GNAQ: variants seen among roughly 807,000 people sequenced by gnomAD.
GNAQ encodes guanine nucleotide-binding protein G(q) subunit alpha.
A neutral mutation model predicts 43.9 loss-of-function variants in GNAQ; 8 were observed. That is an observed-to-expected ratio of 0.18 (90% CI 0.11 to 0.33). The LOEUF (loss-of-function observed/expected upper bound fraction) is 0.33. Ranked by LOEUF, GNAQ falls within the 10% of genes least tolerant of loss-of-function variation. The probability of loss-of-function intolerance (pLI) is 1.00; values close to 1 mark genes in which losing one functional copy is unlikely to be tolerated. For missense variants in GNAQ, 158 were observed against 450.8 expected (o/e 0.35, Z 5.88); for synonymous variants, 155 against 170.7 (o/e 0.91, Z 0.71).
At chr9:77,751,550 C>T (rs534753028) in intron 5 of GNAQ, among the ~76,000 whole-genome samples, 4 of 152,194 alleles carry the variant, frequency 2.6e-5, no homozygotes, top group East Asian at 3.9e-4. Flanking sequence ...AGCCTAGAAG[C>T]GGACAGAAAT....
At chr9:77,851,433 CA>C (rs1260660181) in intron 2 of GNAQ, among the ~76,000 whole-genome samples, 1 of 152,154 alleles carries the variant, frequency 6.6e-6, no homozygotes, top group African/African-American at 2.4e-5. Context: ...CATGAAGAGC[CA>C]AAATCTGTGG....
rs556583937 is a variant in GNAQ at position 77,719,569 on chromosome 9, T to G, written c.*1754A>C. ...CTCCCCCTTTGTTGTTCCAAAAGAG[T>G]GATTTATATGGAAGTTTACACTAGT... On this transcript the variant is annotated 3_prime_UTR_variant, in exon 7 of 7. Coordinates refer to ENST00000286548, the MANE Select transcript of GNAQ (RefSeq NM_002072.5). The G allele has an allele frequency of 4.3e-6, 1 of 232,536 alleles. No individual in the cohort carries two copies. Among genetic ancestry groups the G allele is most frequent in the African/African-American group, 2.2e-5 (1 of 45,342 alleles). 14.4% of individuals were successfully genotyped at this position (232,536 alleles called of 1,614,324 possible).
chr9:77,970,975 C>G (rs1185604499), intron 1 of GNAQ, among the ~76,000 whole-genome samples: 2 of 151,882 alleles, frequency 1.3e-5, no homozygotes, highest in African/African-American at 4.8e-5. Flanking sequence ...AAATACAAAC[C>G]ACCATCAGAG....
At chr9:77,960,690 T>C (rs772547099) in intron 1 of GNAQ, among the ~76,000 whole-genome samples, 2 of 152,102 alleles carry the variant, frequency 1.3e-5, no homozygotes, top group African/African-American at 4.8e-5. Context: ...TAAGAAAATA[T>C]AGTCAATACA....
At chr9:77,764,649 G>T (rs189280820) in intron 5 of GNAQ, among the ~76,000 whole-genome samples, 5,559 of 152,090 alleles carry the variant, frequency 0.037, 305 homozygotes, top group African/African-American at 0.12. Flanking sequence ...TAGAGACGGG[G>T]TTTCACCGTG....
intron 2 of GNAQ, among the ~76,000 whole-genome samples, chr9:77,861,515 A>G (rs1271502321): frequency 6.6e-6 from 1 of 152,220 alleles, no homozygotes; most frequent in African/African-American, 2.4e-5. Context: ...TAAAATCAAA[A>G]GCAAGTTAGT....
chr9:77,815,137 G>A (rs556618828), intron 3 of GNAQ, among the ~76,000 whole-genome samples: 183 of 152,318 alleles, frequency 1.2e-3, no homozygotes, highest in African/African-American at 4.2e-3. Flanking sequence ...AAGCAGTCAA[G>A]TTCTGGGTCT....
chr9:77,868,422 A>C (rs1369438319), intron 2 of GNAQ, among the ~76,000 whole-genome samples: 1 of 152,236 alleles, frequency 6.6e-6, no homozygotes, highest in African/African-American at 2.4e-5. Context: ...ACCTTTAATA[A>C]GGAAGCAGTT....
At chr9:77,835,505 A>C (rs1827369200) in intron 2 of GNAQ, among the ~76,000 whole-genome samples, 1 of 152,196 alleles carries the variant, frequency 6.6e-6, no homozygotes, top group Non-Finnish European at 1.5e-5. Flanking sequence ...TCTTGAACCA[A>C]GTAGAGAAAA....
rs1825268816 is a variant in GNAQ, at chr9:77,719,037, T to C, written c.*2286A>G. On this transcript the variant is annotated 3_prime_UTR_variant, in exon 7 of 7. Coordinates refer to ENST00000286548, the MANE Select transcript of GNAQ (RefSeq NM_002072.5). ...GCTATGAAATTACCTTTGGGTCTTA[T>C]AATCAGTATACCTCTACTCAGGAAT... is the stretch of plus-strand genomic sequence containing the variant. 4.3e-6 allele frequency: 1 copy of C among 232,214 alleles called. No homozygotes were observed. Among genetic ancestry groups the C allele is most frequent in the Non-Finnish European group, 8.5e-6 (1 of 117,408 alleles). The allele number at this position is 232,214 out of a possible 1,614,324, so 14.4% of individuals were successfully genotyped here. A position where few individuals can be genotyped will look rare whatever the true frequency, so the allele number is the denominator to read the frequency against.
intron 6 of GNAQ, among the ~76,000 whole-genome samples, chr9:77,723,967 TTTAAA>T (rs1249789805): frequency 6.6e-6 from 1 of 152,202 alleles, no homozygotes; most frequent in Non-Finnish European, 1.5e-5. Context: ...AATTGTACAC[TTTAAA>T]TAAGTGAATT....
intron 2 of GNAQ, among the ~76,000 whole-genome samples, chr9:77,817,957 C>T (rs1441497827): frequency 2.0e-5 from 3 of 151,978 alleles, no homozygotes; most frequent in Admixed American, 6.6e-5. Context: ...AAAACTGTGA[C>T]TGCTGTTCAC....
intron 1 of GNAQ, among the ~76,000 whole-genome samples, chr9:77,969,225 A>G (rs569391987): frequency 3.7e-4 from 57 of 152,276 alleles, no homozygotes; most frequent in Admixed American, 1.4e-3. Context: ...TCCACCTGGC[A>G]GGTGGTAAAT....
intron 5 of GNAQ, among the ~76,000 whole-genome samples, chr9:77,745,289 G>C (rs1372871145): frequency 6.6e-6 from 1 of 152,118 alleles, no homozygotes; most frequent in Non-Finnish European, 1.5e-5. Flanking sequence ...AGGAGGCAGG[G>C]AGGAAAGCTG....
chr9:77,925,248 A>C (rs1829054274), intron 1 of GNAQ, among the ~76,000 whole-genome samples: 1 of 152,156 alleles, frequency 6.6e-6, no homozygotes, highest in African/African-American at 2.4e-5. Context: ...AATCAAATGA[A>C]GGACAAGGAA....
intron 1 of GNAQ, among the ~76,000 whole-genome samples, chr9:78,024,435 A>T (rs1034228970): frequency 6.6e-6 from 1 of 152,178 alleles, no homozygotes; most frequent in African/African-American, 2.4e-5. Context: ...CTAGTTACTG[A>T]TAATAGAATC....
In GNAQ at chr9:77,838,525, A is replaced by G. The variant is rs769816698; in HGVS notation, c.322-22755T>C. Among the ~76,000 whole-genome samples, 3 of 152,226 alleles carry G rather than the reference A, an allele frequency of 2.0e-5. No homozygotes were observed. The South Asian group carries it at 6.2e-4, about 32-fold the overall frequency. Reference sequence around the variant, plus strand: ...TGTGTGCCCAAACAATCCAAAATATATAATTCGTTTTCTGGGTGGGAAGCA... The same window carrying G: ...TGTGTGCCCAAACAATCCAAAATATGTAATTCGTTTTCTGGGTGGGAAGCA... On this transcript the variant is annotated intron_variant, in intron 2 of 6. Coordinates refer to ENST00000286548, the MANE Select transcript of GNAQ (RefSeq NM_002072.5).
intron 5 of GNAQ, among the ~76,000 whole-genome samples, chr9:77,756,046 AAGACT>A (rs1446669121): frequency 6.6e-6 from 1 of 152,112 alleles, no homozygotes; most frequent in Non-Finnish European, 1.5e-5. Flanking sequence ...AGAACATGGA[AAGACT>A]AGACTGGCTT....
At chr9:77,732,183 G>C (rs768024414) in intron 5 of GNAQ, among the ~76,000 whole-genome samples, 5 of 152,142 alleles carry the variant, frequency 3.3e-5, no homozygotes, top group Non-Finnish European at 5.9e-5. Context: ...ATCTGCCAGA[G>C]CATGACGTTT....
Sources: allele counts gnomAD v4.1 joint callset (sites outside exome capture counted in the v4.1 genomes callset), GRCh38; gene constraint gnomAD v4.1.1; transcripts MANE v1.5; gene names NCBI Gene and HGNC (gene_info 2026-07-23, HGNC 2026-07-21).